FBXL2: variants seen among roughly 807,000 people sequenced by gnomAD.
FBXL2 encodes F-box/LRR-repeat protein 2.
Under a neutral mutation model 69.2 loss-of-function variants are expected in FBXL2, and 38 were observed. The ratio of observed to expected loss-of-function variants is 0.55; its 90% CI spans 0.42 to 0.72. The LOEUF (loss-of-function observed/expected upper bound fraction) is 0.72. FBXL2 is among the 30% of genes least tolerant of loss of function. The pLI is 0.00. For synonymous variants in FBXL2, 192 were observed against 201.3 expected, an observed-to-expected ratio of 0.95 and a Z score of 0.39; for missense variants, 354 against 520.3, an observed-to-expected ratio of 0.68 and a Z score of 3.11.
At chr3:33,281,316 T>C (rs758893076) in intron 1 of FBXL2, among the ~76,000 whole-genome samples, 3 of 152,146 alleles carry the variant, frequency 2.0e-5, no homozygotes, top group Non-Finnish European at 2.9e-5. Flanking sequence ...GTCCTTGTGA[T>C]AGTTTGCCCA....
chr3:33,360,136 T>G (rs2041505006), intron 4 of FBXL2, among the ~76,000 whole-genome samples: 1 of 152,210 alleles, frequency 6.6e-6, no homozygotes, highest in South Asian at 2.1e-4. Context: ...TTTAGCAAAC[T>G]TACAGTAGTG....
chr3:33,318,650 C>A (rs1297244184), intron 2 of FBXL2, among the ~76,000 whole-genome samples: 1 of 152,142 alleles, frequency 6.6e-6, no homozygotes, highest in East Asian at 1.9e-4. Context: ...CGAAGTAGCA[C>A]CTCACATCAA....
Position 33,387,356 on chromosome 3 carries a change from C to A in FBXL2, c.*1748C>A, listed in dbSNP as rs1396043668. 1 of 152,254 alleles carries A rather than the reference C, an allele frequency of 6.6e-6. No homozygotes were observed. The highest frequency in any genetic ancestry group is 1.5e-5 in the Non-Finnish European group (1 of 68,060). 9.4% of individuals were successfully genotyped at this position (152,254 alleles called of 1,614,324 possible). A position where few individuals can be genotyped will look rare whatever the true frequency, so the allele number is the denominator to read the frequency against. On this transcript the variant is annotated 3_prime_UTR_variant, in exon 15 of 15. Coordinates refer to ENST00000484457, the MANE Select transcript of FBXL2 (RefSeq NM_012157.5). ...GTGGTTCATGCCTATAATCCCAGCA[C>A]TTGGGGAGGCCAAGGCGGGTGGATC... is the stretch of plus-strand genomic sequence containing the variant.
chr3:33,336,217 A>C (rs899355907), intron 2 of FBXL2, among the ~76,000 whole-genome samples: 3 of 152,252 alleles, frequency 2.0e-5, no homozygotes, highest in Admixed American at 6.5e-5. Context: ...GCAGTAATCA[A>C]CACAGAGTAG....
chr3:33,369,045 T>C (rs1340266484), intron 5 of FBXL2, among the ~76,000 whole-genome samples: 1 of 148,152 alleles, frequency 6.7e-6, no homozygotes, highest in Non-Finnish European at 1.5e-5. Flanking sequence ...TCTTTTTCTT[T>C]CTTCTTTTAG....
chr3:33,398,390 C>G (rs559002063), intron 12 of FBXL2: 1 of 152,224 alleles, frequency 6.6e-6, no homozygotes, highest in East Asian at 1.9e-4. Flanking sequence ...CAAAGAGGCT[C>G]TCTTTCATCT....
chr3:33,299,127 C>T (rs553858947), intron 2 of FBXL2, among the ~76,000 whole-genome samples: 9 of 151,804 alleles, frequency 5.9e-5, no homozygotes, highest in East Asian at 5.8e-4. Flanking sequence ...CCGCATCTTC[C>T]GCCTCCCAGG....
chr3:33,346,692 T>A (rs6769005), intron 2 of FBXL2, among the ~76,000 whole-genome samples: 6,532 of 152,250 alleles, frequency 0.043, 186 homozygotes, highest in Admixed American at 0.071. Context: ...AAATTGCTAA[T>A]CCTTTAGTCA....
chr3:33,408,555 C>A, downstream of FBXL2: 1 of 630,272 alleles, frequency 1.6e-6, no homozygotes, highest in South Asian at 2.5e-5. Context: ...AGCAGGAAGT[C>A]TAAACAAAAG....
At chr3:33,401,389 A>G (rs1233766745) in intron 12 of FBXL2, among the ~76,000 whole-genome samples, 1 of 152,258 alleles carries the variant, frequency 6.6e-6, no homozygotes, top group Non-Finnish European at 1.5e-5. Context: ...ATAGTTGAAA[A>G]TAATTGCAAA....
chr3:33,292,400 T>C (rs2035321444), intron 1 of FBXL2, among the ~76,000 whole-genome samples: 1 of 151,914 alleles, frequency 6.6e-6, no homozygotes, highest in South Asian at 2.1e-4. Context: ...CAAAACAAAT[T>C]TGTGTGTACC....
chr3:33,279,650 G>A (rs1036685747), intron 1 of FBXL2, among the ~76,000 whole-genome samples: 7 of 151,992 alleles, frequency 4.6e-5, no homozygotes, highest in African/African-American at 1.7e-4. Flanking sequence ...AAATGACTTG[G>A]CACATTAATT....
At chr3:33,397,004 G>A in intron 12 of FBXL2, 2 of 1,548,930 alleles carry the variant, frequency 1.3e-6, no homozygotes, top group East Asian at 2.3e-5. Context: ...GCGAAGAAAG[G>A]TACATTCTTA....
At chr3:33,333,895 A>G (rs1466424792) in intron 2 of FBXL2, among the ~76,000 whole-genome samples, 2 of 152,184 alleles carry the variant, frequency 1.3e-5, no homozygotes, top group African/African-American at 4.8e-5. Context: ...AACTGCAGCT[A>G]AACCCTTCTA....
downstream of FBXL2, chr3:33,390,998 A>C (rs576265742): frequency 6.5e-6 from 1 of 152,764 alleles, no homozygotes; most frequent in South Asian, 2.1e-4. Flanking sequence ...TCACAAAACA[A>C]AACTATGCAA....
intron 1 of FBXL2, among the ~76,000 whole-genome samples, chr3:33,294,360 G>T (rs572213044): frequency 2.0e-5 from 3 of 152,162 alleles, no homozygotes; most frequent in Admixed American, 2.0e-4. Flanking sequence ...GCCTCCCAAA[G>T]TGCTTGAGTA....
intron 1 of FBXL2, among the ~76,000 whole-genome samples, chr3:33,288,047 C>T (rs1575597366): frequency 6.6e-6 from 1 of 152,204 alleles, no homozygotes; most frequent in Non-Finnish European, 1.5e-5. Flanking sequence ...TTGAATCTCA[C>T]TGCTATCCTG....
At chr3:33,279,891 A>G (rs1282232463) in intron 1 of FBXL2, among the ~76,000 whole-genome samples, 2 of 152,176 alleles carry the variant, frequency 1.3e-5, no homozygotes, top group Non-Finnish European at 2.9e-5. Context: ...TAACTTGCCT[A>G]GGTCACCCCA....
downstream of FBXL2, chr3:33,408,559 ACAAAAG>A (rs1457069139): frequency 2.0e-5 from 13 of 656,824 alleles, no homozygotes; most frequent in Non-Finnish European, 3.2e-5. Flanking sequence ...GGAAGTCTAA[ACAAAAG>A]CAAATTAAAT....
Sources: gnomAD v4.1 joint callset for allele counts (sites outside exome capture counted in the v4.1 genomes callset) on GRCh38, gnomAD v4.1.1 for gene constraint, MANE v1.5 for transcripts, NCBI Gene and HGNC (gene_info 2026-07-23, HGNC 2026-07-21) for gene names.